Variants in MAST4 observed in about 807,000 individuals in gnomAD.
The protein encoded by MAST4 is microtubule-associated serine/threonine-protein kinase 4.
Under a neutral mutation model 162.7 loss-of-function variants are expected in MAST4, and 89 were observed. The observed-to-expected ratio is 0.55, with a 90% CI of 0.46 to 0.65. MAST4 has a LOEUF of 0.65. Ranked by LOEUF, MAST4 falls within the 30% of genes least tolerant of loss-of-function variation. The pLI is 0.00. For synonymous variants in MAST4, 1,479 were observed against 1,361.1 expected (o/e 1.09, Z -1.91); for missense variants, 3,153 against 3,374.0 (o/e 0.93, Z 1.62).
At chr5:66,974,753 G>GA (rs1409393510) in intron 4 of MAST4, among the ~76,000 whole-genome samples, 4 of 152,198 alleles carry the variant, frequency 2.6e-5, no homozygotes, top group Non-Finnish European at 5.9e-5. Context: ...TTTCTAAATG[G>GA]AAAAAAATAA....
chr5:66,737,109 T>G (rs994304741), intron 1 of MAST4, among the ~76,000 whole-genome samples: 3 of 152,176 alleles, frequency 2.0e-5, no homozygotes, highest in African/African-American at 7.2e-5. Context: ...TTATCCCAGT[T>G]TTTTTGAGTT....
chr5:67,045,588 T>A (rs1408239431), intron 4 of MAST4, among the ~76,000 whole-genome samples: 3 of 152,184 alleles, frequency 2.0e-5, no homozygotes, highest in African/African-American at 7.2e-5. Flanking sequence ...TAATGCCATA[T>A]TTTTACTGTA....
At chr5:66,946,090 C>G (rs1744000222) in intron 4 of MAST4, among the ~76,000 whole-genome samples, 1 of 152,090 alleles carries the variant, frequency 6.6e-6, no homozygotes, top group South Asian at 2.1e-4. Flanking sequence ...GAAACATGAA[C>G]AATTCCCAGG....
chr5:66,870,913 A>G (rs1760886362), intron 3 of MAST4: 1 of 467,716 alleles, frequency 2.1e-6, no homozygotes, highest in African/African-American at 2.0e-5. Context: ...CCGCTGCGGT[A>G]AACAGGGTGT....
chr5:66,886,869 A>G (rs116606993), intron 3 of MAST4, among the ~76,000 whole-genome samples: 78 of 151,252 alleles, frequency 5.2e-4, no homozygotes, highest in African/African-American at 1.8e-3. Context: ...CCTTATGAAC[A>G]TTTTCTTAAG....
At chr5:67,120,051 C>A (rs973555274) in intron 13 of MAST4, among the ~76,000 whole-genome samples, 2 of 152,184 alleles carry the variant, frequency 1.3e-5, no homozygotes, top group Admixed American at 1.3e-4. Context: ...TGTGATGGAG[C>A]ATTGGCAGGT....
chr5:66,764,812 T>G (rs1311694443), intron 2 of MAST4, among the ~76,000 whole-genome samples: 1 of 152,172 alleles, frequency 6.6e-6, no homozygotes, highest in African/African-American at 2.4e-5. Flanking sequence ...GGTTAACTTA[T>G]TAAAGAAAGA....
chr5:67,018,145 A>G (rs1753539511), intron 4 of MAST4, among the ~76,000 whole-genome samples: 1 of 152,192 alleles, frequency 6.6e-6, no homozygotes, highest in Non-Finnish European at 1.5e-5. Flanking sequence ...GTTAGATTAC[A>G]TGGTGATATT....
At chr5:67,052,360 T>A (rs1758290203) in intron 4 of MAST4, among the ~76,000 whole-genome samples, 1 of 151,824 alleles carries the variant, frequency 6.6e-6, no homozygotes, top group African/African-American at 2.4e-5. Context: ...CTTTTTGATA[T>A]TTTTTTTGAA....
chr5:66,870,853 G>A (rs1247779892), intron 3 of MAST4: 1 of 471,434 alleles, frequency 2.1e-6, no homozygotes, highest in Non-Finnish European at 4.4e-6. Flanking sequence ...TGCTTCAAAA[G>A]TGAGTGTGTC....
chr5:67,110,015 T>G (rs1230752802), intron 10 of MAST4, 83 bp from the exon 11 acceptor site: 2 of 941,484 alleles, frequency 2.1e-6, no homozygotes, highest in Admixed American at 3.6e-5. Context: ...TTTGCAATGA[T>G]CTAATTAGCA....
At chr5:66,959,371 A>G (rs1403472432) in intron 4 of MAST4, 2 of 771,568 alleles carry the variant, frequency 2.6e-6, no homozygotes, top group Non-Finnish European at 4.8e-6. Context: ...GCTATTTAGC[A>G]TTTGTTTGTA....
intron 2 of MAST4, among the ~76,000 whole-genome samples, chr5:66,771,934 T>A (rs534661451): frequency 2.6e-5 from 4 of 152,322 alleles, no homozygotes; most frequent in African/African-American, 9.6e-5. Flanking sequence ...TTCCTATCCT[T>A]CATGCATTGT....
At chr5:66,806,900 A>C (rs1756214722) in intron 3 of MAST4, among the ~76,000 whole-genome samples, 1 of 151,980 alleles carries the variant, frequency 6.6e-6, no homozygotes, top group Non-Finnish European at 1.5e-5. Context: ...CTTTCTCTCT[A>C]ACCCCATTTT....
intron 1 of MAST4, among the ~76,000 whole-genome samples, chr5:66,631,065 G>GT (rs1198664474): frequency 2.0e-5 from 3 of 152,052 alleles, no homozygotes; most frequent in Non-Finnish European, 2.9e-5. Flanking sequence ...TAGCCTCCAT[G>GT]TTTTTTTCTC....
chr5:66,652,339 A>T (rs1233959082), intron 1 of MAST4, among the ~76,000 whole-genome samples: 1 of 152,184 alleles, frequency 6.6e-6, no homozygotes, highest in Non-Finnish European at 1.5e-5. Flanking sequence ...ATCACCCTGC[A>T]TAGTGCCAGG....
intron 4 of MAST4, among the ~76,000 whole-genome samples, chr5:66,998,695 T>C (rs1357039196): frequency 6.6e-6 from 1 of 152,198 alleles, no homozygotes; most frequent in Non-Finnish European, 1.5e-5. Context: ...TCTCTATTGT[T>C]CCCTTTCTCC....
intron 2 of MAST4, among the ~76,000 whole-genome samples, chr5:66,765,178 A>C (rs951301337): frequency 1.3e-5 from 2 of 152,164 alleles, no homozygotes; most frequent in Non-Finnish European, 2.9e-5. Context: ...AGTACACCCT[A>C]TGATGTTTGC....
chr5:66,726,264 C>G (rs770900933), intron 1 of MAST4, among the ~76,000 whole-genome samples: 2 of 151,932 alleles, frequency 1.3e-5, no homozygotes, highest in African/African-American at 2.4e-5. Flanking sequence ...TATAGGTAAT[C>G]TAATTTTCTT....
Sources: allele counts gnomAD v4.1 joint callset (sites outside exome capture counted in the v4.1 genomes callset), GRCh38; gene constraint gnomAD v4.1.1; transcripts MANE v1.5; gene names NCBI Gene and HGNC (gene_info 2026-07-23, HGNC 2026-07-21).